KCNH2: variants seen among roughly 807,000 people sequenced by gnomAD.
KCNH2 encodes potassium voltage-gated channel subfamily H member 2.
KCNH2 carries 35 observed loss-of-function variants against 95.9 expected under a neutral mutation model. The observed-to-expected ratio is 0.37, with a 90% CI of 0.28 to 0.48. KCNH2 has a LOEUF of 0.48. Ranked by LOEUF, KCNH2 falls within the 20% of genes least tolerant of loss-of-function variation. The pLI is 0.99. For missense variants in KCNH2, 1,274 were observed against 1,702.9 expected, an observed-to-expected ratio of 0.75 and a Z score of 4.43; for synonymous variants, 786 against 754.7, an observed-to-expected ratio of 1.04 and a Z score of -0.68.
At position 150,974,959 on chromosome 7, in the gene KCNH2, A is replaced by C. The variant is rs549067419; in HGVS notation, c.77-18T>G. On this transcript the variant is annotated intron_variant, in intron 1 of 14. Coordinates refer to ENST00000262186, the MANE Select transcript of KCNH2 (RefSeq NM_000238.4). ...CTTACGGCCTAGGGGGGCGGGGAGG[A>C]GAGTGCGCGTGAGCGGGGACCCCAG... 6.4e-7 allele frequency: 1 copy of C among 1,571,076 alleles called. No individual in the cohort carries two copies. The highest frequency in any genetic ancestry group is 2.3e-5 in the East Asian group (1 of 43,246).
chr7:150,971,837 G>C (rs1177571082), intron 2 of KCNH2, among the ~76,000 whole-genome samples: 1 of 152,102 alleles, frequency 6.6e-6, no homozygotes, highest in East Asian at 1.9e-4. Flanking sequence ...AGAGCAGAGA[G>C]GATGCAGGGG....
intron 5 of KCNH2, among the ~76,000 whole-genome samples, chr7:150,954,663 G>A (rs1035015437): frequency 2.0e-5 from 3 of 152,232 alleles, no homozygotes; most frequent in Non-Finnish European, 4.4e-5. Context: ...TGGAAAGAGT[G>A]TATGAGCCAA....
rs545444296 is a variant in KCNH2, at chr7:150,957,378, G to A, written c.1041C>T (p.Pro347=). 9.3e-6 allele frequency: 15 copies of A among 1,614,056 alleles called. No homozygotes were observed. Among genetic ancestry groups the A allele is most frequent in the South Asian group, 5.5e-5 (5 of 91,040 alleles). Residue 347 remains proline (P), a synonymous_variant, in exon 5 of 15, where the codon CCC becomes CCT. Coordinates refer to ENST00000262186, the MANE Select transcript of KCNH2 (RefSeq NM_000238.4). ...TLNFVDLKGD[P]FLASPTSDRE... ...GGTCACTGGTGGGCGAAGCCAAGAA[G>A]GGGTCGCCCTTGAGGTCCACAAAGT...
chr7:150,977,986 T>G lies in KCNH2; in HGVS notation c.-73A>C, dbSNP rs2117073178. The stretch of plus-strand genomic sequence containing the variant: ...GCCCGGCCCAGCACTAGGCTTCGGG[T>G]GGCCCGGCCGGGCCGTGGTCCCCGC... On this transcript the variant is annotated 5_prime_UTR_variant, in exon 1 of 15. Transcript: ENST00000262186. The G allele has an allele frequency of 1.2e-6, 1 of 812,938 alleles. No homozygotes were observed. The highest frequency in any genetic ancestry group is 1.7e-6 in the Non-Finnish European group (1 of 602,510). 50.4% of individuals were successfully genotyped at this position (812,938 alleles called of 1,614,324 possible).
Position 150,947,430 on chromosome 7 carries a change from G to T in KCNH2, c.3050C>A (p.Ala1017Asp). 6.4e-7 allele frequency: 1 copy of T among 1,556,418 alleles called. No homozygotes were observed. The highest frequency in any genetic ancestry group is 8.7e-7 in the Non-Finnish European group (1 of 1,150,184). ...RQYQELPRCP[A>D]PTPSLLNIPL... ...GATGTTGAGGAGGCTGGGGGTGGGG[G>T]CGGGGCATCGAGGGAGCTCCTGGTA... The change falls in exon 13 of 15, where the codon GCC becomes GAC. Residue 1017 changes from alanine to aspartate, a missense_variant. Transcript: ENST00000262186.
chr7:150,949,608 A>G lies in KCNH2; in HGVS notation c.2399-559T>C, dbSNP rs567604007. On this transcript the variant is annotated intron_variant, in intron 9 of 14. Coordinates refer to ENST00000262186, the MANE Select transcript of KCNH2 (RefSeq NM_000238.4). ...CAAAGTCTAAAATGTCCTACCATCA[A>G]CTATGGTCGAAAGAGCTTGCTATAT... 1.9e-4 allele frequency: 206 copies of G among 1,082,256 alleles called. 1 individual carries two copies. In the African/African-American group the frequency reaches 3.1e-3, roughly 17 times the overall value. The allele number at this position is 1,082,256 out of a possible 1,614,324, so 67.0% of individuals were successfully genotyped here. A position where few individuals can be genotyped will look rare whatever the true frequency, so the allele number is the denominator to read the frequency against.
chr7:150,977,103 G>T (rs1218830549), intron 1 of KCNH2, among the ~76,000 whole-genome samples: 3 of 152,034 alleles, frequency 2.0e-5, no homozygotes, highest in African/African-American at 7.3e-5. Flanking sequence ...TACCAGGCAG[G>T]CATTAGGGGT....
At chr7:150,970,646 A>G (rs2117049794) in intron 2 of KCNH2, among the ~76,000 whole-genome samples, 1 of 152,274 alleles carries the variant, frequency 6.6e-6, no homozygotes, top group Admixed American at 6.5e-5. Flanking sequence ...CTGCAGGGCA[A>G]GAGGCAACTG....
At chr7:150,963,906 C>T (rs1233414432) in intron 2 of KCNH2, among the ~76,000 whole-genome samples, 1 of 152,188 alleles carries the variant, frequency 6.6e-6, no homozygotes, top group African/African-American at 2.4e-5. Flanking sequence ...ATCCTGCTAC[C>T]ACAGAAGGTG....
chr7:150,958,471 G>C lies in KCNH2; in HGVS notation c.504C>G (p.Pro168=), dbSNP rs547228640. The change falls in exon 4 of 15, where the codon CCC becomes CCG. Residue 168 remains proline, a synonymous_variant. Coordinates refer to ENST00000262186, the MANE Select transcript of KCNH2 (RefSeq NM_000238.4). The stretch of plus-strand genomic sequence containing the variant: ...CCCGGGCCGTCAGCGCCAGCAGCGC[G>C]GGCAGCTTCAGGCGGAAGGTCTTGG... ...GRAKTFRLKL[P]ALLALTARES... 2.7e-5 allele frequency: 39 copies of C among 1,467,706 alleles called. No homozygotes were observed. The highest frequency in any genetic ancestry group is 1.5e-4 in the African/African-American group (10 of 68,260). 90.9% of individuals were successfully genotyped at this position (1,467,706 alleles called of 1,614,324 possible). A position where few individuals can be genotyped will look rare whatever the true frequency, so the allele number is the denominator to read the frequency against.
rs758395817 is a variant in KCNH2, at chr7:150,947,068, TG to T, written c.3153-15del. 1.5e-6 allele frequency: 2 copies of T among 1,311,188 alleles called. No homozygotes were observed. Among genetic ancestry groups the T allele is most frequent in the African/African-American group, 1.9e-5 (1 of 54,046 alleles). 81.2% of individuals were successfully genotyped at this position (1,311,188 alleles called of 1,614,324 possible). On this transcript the variant is annotated splice_polypyrimidine_tract_variant and intron_variant, in intron 13 of 14. Coordinates refer to ENST00000262186, the MANE Select transcript of KCNH2 (RefSeq NM_000238.4). ...CGGGTCTCCAGCCTGGGGCAGGAAGTGGGGGATGCTCAGAGAAGTGGGGACA... is the reference window on the plus strand; with the variant it reads ...CGGGTCTCCAGCCTGGGGCAGGAAGTGGGGATGCTCAGAGAAGTGGGGACA...
chr7:150,954,269 GA>G (rs41307301), intron 5 of KCNH2, among the ~76,000 whole-genome samples: 8,248 of 142,744 alleles, frequency 0.058, 313 homozygotes, highest in African/African-American at 0.11. Context: ...AGTGGGGACT[GA>G]AAAAAAAAAA....
chr7:150,945,341 A>T lies in KCNH2; in HGVS notation c.*24T>A, dbSNP rs1338216406. Reference sequence around the variant, plus strand: ...CAGCGCCTTGATCCCTGGGTGAGCCACGTGTCCACACTGGGCAGCCCCACT... The same window carrying T: ...CAGCGCCTTGATCCCTGGGTGAGCCTCGTGTCCACACTGGGCAGCCCCACT... On this transcript the variant is annotated 3_prime_UTR_variant, in exon 15 of 15. Transcript: ENST00000262186. This position sits in a 1 kb window ranked among gnomAD's most constrained non-coding sequence, Gnocchi z 5.6. The T allele has an allele frequency of 1.3e-6, 2 of 1,577,396 alleles. No individual in the cohort carries two copies. Among genetic ancestry groups the T allele is most frequent in the Admixed American group, 3.6e-5 (2 of 56,046 alleles).
chr7:150,949,566 T>G, intron 9 of KCNH2: 1 of 1,015,054 alleles, frequency 9.9e-7, no homozygotes, highest in Non-Finnish European at 1.2e-6. Context: ...TATTTGTGTT[T>G]GTACAGAGCT....
At chr7:150,948,055 G>A (rs940898437) in intron 11 of KCNH2, among the ~76,000 whole-genome samples, 177 bp from the exon 12 acceptor site, 4 of 152,172 alleles carry the variant, frequency 2.6e-5, no homozygotes, top group African/African-American at 9.7e-5. Context: ...GAACTCCCAG[G>A]ACCCCCTGAC....
At chr7:150,951,259 C>T (rs772508319) in intron 7 of KCNH2, 139 bp from the exon 8 acceptor site, 3 of 992,264 alleles carry the variant, frequency 3.0e-6, no homozygotes, top group Non-Finnish European at 4.5e-6. Context: ...TACATCTGCG[C>T]TCCAGCACAC....
chr7:150,966,018 T>C (rs1801692746), intron 2 of KCNH2, among the ~76,000 whole-genome samples: 1 of 152,222 alleles, frequency 6.6e-6, no homozygotes. Context: ...TTCAACCTGG[T>C]CATCAGTTTT....
intron 2 of KCNH2, among the ~76,000 whole-genome samples, chr7:150,959,955 G>C (rs1801509545): frequency 6.6e-6 from 1 of 152,110 alleles, no homozygotes; most frequent in Non-Finnish European, 1.5e-5. Flanking sequence ...TTGCTGCCAG[G>C]CTCCCCTACC....
chr7:150,975,972 G>A (rs1474378465), intron 1 of KCNH2, among the ~76,000 whole-genome samples: 1 of 152,244 alleles, frequency 6.6e-6, no homozygotes, highest in Admixed American at 6.5e-5. Flanking sequence ...TTCCATTTCT[G>A]CCAGACTTGG....
Sources: gnomAD v4.1 joint callset for allele counts (sites outside exome capture counted in the v4.1 genomes callset) on GRCh38, gnomAD v4.1.1 for gene constraint, Gnocchi (gnomAD v3.1) non-coding constraint, MANE v1.5 for transcripts, NCBI Gene and HGNC (gene_info 2026-07-23, HGNC 2026-07-21) for gene names.